Variants in CREBBP observed in about 807,000 individuals in gnomAD.
CREBBP encodes the protein CREB binding lysine acetyltransferase, also known as CREB-binding protein.
A neutral mutation model predicts 265.0 loss-of-function variants in CREBBP; 19 were observed. That is an observed-to-expected ratio of 0.07 (90% CI 0.05 to 0.11). The LOEUF (loss-of-function observed/expected upper bound fraction) is 0.11. Ranked by LOEUF, CREBBP falls within the 10% of genes least tolerant of loss-of-function variation. The pLI, the probability that CREBBP is intolerant of heterozygous loss-of-function variation, is 1.00. For missense variants in CREBBP, 2,525 were observed against 3,219.0 expected (o/e 0.78, Z 5.22); for synonymous variants, 1,457 against 1,223.7 (o/e 1.19, Z -3.98).
At chr16:3,874,564 G>A (rs564825588) in intron 1 of CREBBP, among the ~76,000 whole-genome samples, 3 of 152,206 alleles carry the variant, frequency 2.0e-5, no homozygotes. Context: ...TGCAACAAGA[G>A]ACCATATGGC....
chr16:3,729,391 T>G lies in CREBBP; in HGVS notation c.5656A>C (p.Thr1886Pro), dbSNP rs778824051. ...NVPQQSLPSP[T>P]SAPPGTPTQQ... ...GTGGGGGTCCCGGGCGGTGCTGAGGTAGGAGAAGGCAGACTCTGCTGAGGC... is the reference window on the plus strand; with the variant it reads ...GTGGGGGTCCCGGGCGGTGCTGAGGGAGGAGAAGGCAGACTCTGCTGAGGC... The change falls in exon 31 of 31, where the codon ACC (threonine) becomes CCC (proline). Residue 1886 changes from threonine to proline, a missense_variant. This residue lies in a region of CREBBP where 53 missense variants were observed against 146.3 expected (regional missense o/e 0.36). Transcript: ENST00000262367. 6 of 1,610,832 alleles carry G rather than the reference T, an allele frequency of 3.7e-6. No homozygotes were observed. Among genetic ancestry groups the G allele is most frequent in the Non-Finnish European group, 5.1e-6 (6 of 1,179,702 alleles).
In CREBBP at chr16:3,757,800, A is replaced by C; in HGVS notation, c.3609+9T>G. The C allele has an allele frequency of 4.3e-6, 7 of 1,613,978 alleles. No homozygotes were observed. Among genetic ancestry groups the C allele is most frequent in the Non-Finnish European group, 5.9e-6 (7 of 1,180,028 alleles). ...AAAATTCACTTTCCGGAAAAACTTA[A>C]AACTGTACCTTGCGTCCACAGCAAT... On this transcript the variant is annotated intron_variant, in intron 18 of 30. Coordinates refer to ENST00000262367, the MANE Select transcript of CREBBP (RefSeq NM_004380.3).
intron 3 of CREBBP, among the ~76,000 whole-genome samples, chr16:3,794,037 C>T (rs980039724): frequency 1.3e-5 from 2 of 152,124 alleles, no homozygotes; most frequent in Admixed American, 1.3e-4. Flanking sequence ...AAAAAGATTG[C>T]CAAGGCCTGG....
chr16:3,769,654 T>TA (rs2052950449), intron 14 of CREBBP, among the ~76,000 whole-genome samples: 1 of 152,180 alleles, frequency 6.6e-6, no homozygotes, highest in Non-Finnish European at 1.5e-5. Flanking sequence ...ATCTCATATT[T>TA]TGAAATTAAT....
intron 1 of CREBBP, among the ~76,000 whole-genome samples, chr16:3,862,750 T>C (rs956807381): frequency 6.6e-6 from 1 of 152,130 alleles, no homozygotes; most frequent in Admixed American, 6.5e-5. Flanking sequence ...CTTGAAGTTT[T>C]TCCCTTGAAG....
intron 2 of CREBBP, among the ~76,000 whole-genome samples, chr16:3,849,435 GTGTGTGTGTGTGT>G (rs1567360333): frequency 0.016 from 254 of 15,718 alleles, 14 homozygotes; most frequent in East Asian, 0.053. Context: ...GTGTGTGTGT[GTGTGTGTGTGTGT>G]GTGTGTGTGT....
At chr16:3,766,920 T>A (rs1042282357) in intron 16 of CREBBP, among the ~76,000 whole-genome samples, 2 of 152,168 alleles carry the variant, frequency 1.3e-5, no homozygotes, top group Non-Finnish European at 2.9e-5. Flanking sequence ...TAAAGAGCCC[T>A]GAGATTCACT....
At chr16:3,737,266 G>A (rs780984074) in intron 26 of CREBBP, among the ~76,000 whole-genome samples, 10 of 152,196 alleles carry the variant, frequency 6.6e-5, no homozygotes, top group African/African-American at 1.2e-4. Context: ...AAGGGAATGG[G>A]GCAGGTCTAG....
At chr16:3,865,566 T>C (rs1054565755) in intron 1 of CREBBP, among the ~76,000 whole-genome samples, 2 of 152,128 alleles carry the variant, frequency 1.3e-5, no homozygotes, top group African/African-American at 2.4e-5. Flanking sequence ...GGAGGGAGGC[T>C]CTCTCTACAG....
At chr16:3,828,971 A>C (rs1567344434) in intron 2 of CREBBP, among the ~76,000 whole-genome samples, 1 of 152,196 alleles carries the variant, frequency 6.6e-6, no homozygotes, top group Non-Finnish European at 1.5e-5. Flanking sequence ...TTCAGGAAGA[A>C]TAAATATAGT....
At chr16:3,787,699 G>T (rs2053419052) in intron 5 of CREBBP, among the ~76,000 whole-genome samples, 1 of 151,464 alleles carries the variant, frequency 6.6e-6, no homozygotes, top group Non-Finnish European at 1.5e-5. Flanking sequence ...TTGCTCTGTC[G>T]CCCAGGCTGG....
At chr16:3,769,575 G>A (rs917195545) in intron 14 of CREBBP, among the ~76,000 whole-genome samples, 9 of 152,200 alleles carry the variant, frequency 5.9e-5, no homozygotes, top group African/African-American at 1.9e-4. Context: ...CAAAGGCAGA[G>A]GAAACAGCAG....
rs1260163532 is a variant in CREBBP, at chr16:3,758,834, A to G, written c.3369+20T>C. On this transcript the variant is annotated intron_variant, in intron 17 of 30. Transcript: ENST00000262367. The stretch of plus-strand genomic sequence containing the variant: ...AGTCACACCAGCAAAGTTATAATCT[A>G]TTTTTATGAATTAACTTACTGGAAT... 1.9e-6 allele frequency: 3 copies of G among 1,563,240 alleles called. No individual in the cohort carries two copies. Among genetic ancestry groups the G allele is most frequent in the Admixed American group, 1.7e-5 (1 of 59,974 alleles).
intron 24 of CREBBP, among the ~76,000 whole-genome samples, chr16:3,739,981 C>T (rs372430595): frequency 6.6e-6 from 1 of 152,218 alleles, no homozygotes; most frequent in Admixed American, 6.5e-5. Flanking sequence ...ACTGGCTATA[C>T]AGCAGTCCCC....
intron 21 of CREBBP, among the ~76,000 whole-genome samples, chr16:3,746,746 A>G (rs2052352000): frequency 6.6e-6 from 1 of 152,076 alleles, no homozygotes; most frequent in Non-Finnish European, 1.5e-5. Context: ...GGAGTTTGAG[A>G]CCAGCCTGGG....
intron 16 of CREBBP, chr16:3,767,472 G>C: frequency 1.7e-6 from 1 of 590,502 alleles, no homozygotes; most frequent in Non-Finnish European, 3.0e-6. Flanking sequence ...TCAGAAGACA[G>C]CTCTGCAGCC....
At chr16:3,819,748 T>C (rs1275097041) in intron 2 of CREBBP, among the ~76,000 whole-genome samples, 2 of 152,218 alleles carry the variant, frequency 1.3e-5, no homozygotes, top group Non-Finnish European at 2.9e-5. Flanking sequence ...TCAGGGTGTT[T>C]ATTTCAAACT....
chr16:3,795,411 T>C (rs997131657), intron 3 of CREBBP, among the ~76,000 whole-genome samples: 2 of 152,200 alleles, frequency 1.3e-5, no homozygotes, highest in South Asian at 4.1e-4. Context: ...AATGTTTACG[T>C]ATGAACCATA....
In CREBBP at chr16:3,726,170, T is replaced by C; in HGVS notation, c.*1548A>G. ...ACATGCTGCGCGGCAGCGGCAGGATTTGGGGGGAAGTCAGAAAGCACCTCG... is the reference window on the plus strand; with the variant it reads ...ACATGCTGCGCGGCAGCGGCAGGATCTGGGGGGAAGTCAGAAAGCACCTCG... On this transcript the variant is annotated 3_prime_UTR_variant, in exon 31 of 31. Coordinates refer to ENST00000262367, the MANE Select transcript of CREBBP (RefSeq NM_004380.3). The C allele has an allele frequency of 4.3e-6, 1 of 229,896 alleles. No individual in the cohort carries two copies. Among genetic ancestry groups the C allele is most frequent in the African/African-American group, 2.2e-5 (1 of 44,614 alleles). The allele number at this position is 229,896 out of a possible 1,614,324, so 14.2% of individuals were successfully genotyped here. A position where few individuals can be genotyped will look rare whatever the true frequency, so the allele number is the denominator to read the frequency against.
Sources: gnomAD v4.1 joint callset for allele counts (sites outside exome capture counted in the v4.1 genomes callset) on GRCh38, gnomAD v4.1.1 for gene constraint, gnomAD v4.1.1 regional missense constraint, MANE v1.5 for transcripts, NCBI Gene and HGNC (gene_info 2026-07-23, HGNC 2026-07-21) for gene names.